EDEM3: variants seen among roughly 807,000 people sequenced by gnomAD.
EDEM3 encodes the protein ER degradation enhancing alpha-mannosidase like protein 3.
Under a neutral mutation model 110.2 loss-of-function variants are expected in EDEM3, and 60 were observed. The observed-to-expected ratio is 0.54, with a 90% CI of 0.44 to 0.67. The LOEUF is 0.67. Among genes scored for constraint, EDEM3 ranks in the 30% least tolerant of loss-of-function variants. The pLI, the probability that EDEM3 is intolerant of heterozygous loss-of-function variation, is 0.00. For missense variants in EDEM3, 996 were observed against 1,121.0 expected (o/e 0.89, Z 1.59); for synonymous variants, 352 against 382.9 (o/e 0.92, Z 0.94).
At chr1:184,706,340 A>G (rs1649925181) in intron 18 of EDEM3, among the ~76,000 whole-genome samples, 1 of 152,010 alleles carries the variant, frequency 6.6e-6, no homozygotes, top group Non-Finnish European at 1.5e-5. Context: ...GGGGTTATGG[A>G]TCTCATGGGC....
chr1:184,706,614 T>A (rs899596544), intron 18 of EDEM3, 29 bp downstream of exon 18: 2 of 1,531,126 alleles, frequency 1.3e-6, no homozygotes, highest in Admixed American at 3.7e-5. Context: ...TCCCCTTCAG[T>A]CAACACAATG....
Position 184,754,767 on chromosome 1 carries a change from ACGGCCGC to A in EDEM3, c.-128_-122del. The A allele has an allele frequency of 1.5e-6, 2 of 1,374,192 alleles. No individual in the cohort carries two copies. Among genetic ancestry groups the A allele is most frequent in the Non-Finnish European group, 1.9e-6 (2 of 1,063,546 alleles). The allele number at this position is 1,374,192 out of a possible 1,614,324, so 85.1% of individuals were successfully genotyped here. On this transcript the variant is annotated 5_prime_UTR_variant, in exon 1 of 20. Coordinates refer to ENST00000318130, the MANE Select transcript of EDEM3 (RefSeq NM_025191.4). ...CGGGGCGGGATGCGGAGTAACACGG[ACGGCCGC>A]CGGCGCCAAACTGTTTCCCGAAGCC...
At chr1:184,723,664 A>T in intron 8 of EDEM3, 87 bp downstream of exon 8, 1 of 1,085,492 alleles carries the variant, frequency 9.2e-7, no homozygotes, top group South Asian at 1.4e-5. Context: ...ATAGTATCCC[A>T]AAGATTATTT....
In EDEM3 at chr1:184,709,195, G is replaced by C. The variant is rs527784224; in HGVS notation, c.1846-851C>G. The stretch of plus-strand genomic sequence containing the variant: ...GGAAACATAGGTTGAGGTGAGGGTA[G>C]AAAGAGAGTAAACAAGAAAGAGATA... On this transcript the variant is annotated intron_variant, in intron 16 of 19. Coordinates refer to ENST00000318130, the MANE Select transcript of EDEM3 (RefSeq NM_025191.4). 1.5e-4 allele frequency among the ~76,000 whole-genome samples: 23 copies of C among 152,222 alleles called. No homozygotes were observed. The South Asian group carries it at 4.8e-3, about 32-fold the overall frequency.
chr1:184,743,672 G>A lies in EDEM3; in HGVS notation c.204+5875C>T, dbSNP rs138791505. On this transcript the variant is annotated intron_variant, in intron 2 of 19. Transcript: ENST00000318130. The stretch of plus-strand genomic sequence containing the variant: ...ACAACAAAGCTGAAAGACTTAAACT[G>A]CCTGAGTTCAGGACCCACTATTAAA... Among the ~76,000 whole-genome samples, 840 of 152,114 alleles carry A rather than the reference G, an allele frequency of 5.5e-3. 7 individuals are homozygous for A. The highest frequency in any genetic ancestry group is 0.016 in the African/African-American group (663 of 41,514).
In EDEM3 at chr1:184,692,949, A is replaced by G. The variant is rs1649129956; in HGVS notation, c.*1114T>C. On this transcript the variant is annotated 3_prime_UTR_variant, in exon 20 of 20. Transcript: ENST00000318130. ...AAAAACAAAAACCATGATTCAACAG[A>G]AAATGTGACAGATTCCTTAGGTGCA... The G allele has an allele frequency of 1.9e-5, 3 of 154,406 alleles. No individual in the cohort carries two copies. The highest frequency in any genetic ancestry group is 7.2e-5 in the African/African-American group (3 of 41,514). 9.6% of individuals were successfully genotyped at this position (154,406 alleles called of 1,614,324 possible).
intron 2 of EDEM3, among the ~76,000 whole-genome samples, chr1:184,742,253 G>A (rs950498071): frequency 2.6e-5 from 4 of 152,052 alleles, no homozygotes; most frequent in Admixed American, 6.6e-5. Flanking sequence ...AGAAAATTGC[G>A]TGCTCTGTAA....
At position 184,723,813 on chromosome 1, in the gene EDEM3, T is replaced by C; in HGVS notation, c.791A>G (p.Gln264Arg). Reference sequence around the variant, plus strand: ...CACGCCCACTAAATTACTACTTCGCTGTCTTTTTTCCCAGAGAAAATCAAG... The same window carrying C: ...CACGCCCACTAAATTACTACTTCGCCGTCTTTTTTCCCAGAGAAAATCAAG... ...KALDFLWEKR[Q>R]RSSNLVGVTI... Residue 264 changes from glutamine to arginine, a missense_variant, in exon 8 of 20, where the codon CAG becomes CGG. Physicochemically the swap from Gln to Arg is conservative, Grantham distance 43. Transcript: ENST00000318130. 1 of 1,595,388 alleles carries C rather than the reference T, an allele frequency of 6.3e-7. No individual in the cohort carries two copies. Among genetic ancestry groups the C allele is most frequent in the Non-Finnish European group, 8.5e-7 (1 of 1,174,200 alleles).
At position 184,719,605 on chromosome 1, in the gene EDEM3, G is replaced by A. The variant is rs1220885700; in HGVS notation, c.952-37C>T. 5.0e-6 allele frequency: 8 copies of A among 1,600,988 alleles called. No individual in the cohort carries two copies. The Admixed American group carries it at 5.3e-5, about 11-fold the overall frequency. The stretch of plus-strand genomic sequence containing the variant: ...CAACATGTGTTCATGAAAGTTAGAT[G>A]AAAAAAGAGGTACTACTCTAAACAC... On this transcript the variant is annotated intron_variant, in intron 9 of 19. Coordinates refer to ENST00000318130, the MANE Select transcript of EDEM3 (RefSeq NM_025191.4).
At chr1:184,750,175 T>C (rs1652678276) in intron 1 of EDEM3, among the ~76,000 whole-genome samples, 1 of 152,238 alleles carries the variant, frequency 6.6e-6, no homozygotes, top group Admixed American at 6.5e-5. Flanking sequence ...ATACTTTTTA[T>C]GATGTGCTCT....
chr1:184,730,804 T>A (rs1651468196), intron 6 of EDEM3, among the ~76,000 whole-genome samples: 1 of 151,942 alleles, frequency 6.6e-6, no homozygotes, highest in African/African-American at 2.4e-5. Flanking sequence ...TTGATTTGAC[T>A]TATATTTGTA....
chr1:184,728,309 G>A (rs1434308252), intron 6 of EDEM3, among the ~76,000 whole-genome samples: 1 of 152,196 alleles, frequency 6.6e-6, no homozygotes, highest in East Asian at 1.9e-4. Context: ...ACTGAATTGG[G>A]AGTAGTTGAG....
chr1:184,732,967 A>G lies in EDEM3; in HGVS notation c.482T>C (p.Leu161Pro). ...ACCTTTTTCTTTCAGCATGATTGCC[A>G]GGGAGTGCCCACCCAAAAGACCCCT... Reference protein sequence around the residue: ...VLGGLLGGHSLAIMLKEKGEY... With the variant: ...VLGGLLGGHSPAIMLKEKGEY... Residue 161 changes from leucine (L) to proline (P), a missense_variant, in exon 6 of 20, where the codon CTG (leucine) becomes CCG (proline). Leu to Pro is a moderately conservative substitution (Grantham distance 98, BLOSUM62 -3). Coordinates refer to ENST00000318130, the MANE Select transcript of EDEM3 (RefSeq NM_025191.4). The G allele has an allele frequency of 6.2e-7, 1 of 1,613,812 alleles. No individual in the cohort carries two copies. The highest frequency in any genetic ancestry group is 8.5e-7 in the Non-Finnish European group (1 of 1,179,816).
intron 2 of EDEM3, among the ~76,000 whole-genome samples, chr1:184,739,132 A>T (rs1039077899): frequency 1.3e-5 from 2 of 151,804 alleles, no homozygotes; most frequent in Non-Finnish European, 2.9e-5. Flanking sequence ...CATTAGTTCT[A>T]AACTTTTTGC....
In EDEM3 at chr1:184,693,421, C is replaced by T. The variant is rs1245242367; in HGVS notation, c.*642G>A. 6.6e-6 allele frequency: 1 copy of T among 152,542 alleles called. No individual in the cohort carries two copies. Among genetic ancestry groups the T allele is most frequent in the East Asian group, 1.9e-4 (1 of 5,184 alleles). 9.4% of individuals were successfully genotyped at this position (152,542 alleles called of 1,614,324 possible). On this transcript the variant is annotated 3_prime_UTR_variant, in exon 20 of 20. Transcript: ENST00000318130. ...ATGCAGAGAACTCACTGAGAAAGTA[C>T]ACTGGCTTCACCTTTGGTTTAAATA...
Position 184,708,207 on chromosome 1 carries a change from T to C in EDEM3, c.1983A>G (p.Val661=), listed in dbSNP as rs747471904. The part of the protein sequence containing the change: ...QIVSHPFFGR[V]VLTAGPAQFG... ...ACTGAGCTGGTCCAGCAGTCAATAC[T>C]ACCCTGCCAAAAAATGGGTGGGAAA... The change falls in exon 17 of 20, where the codon GTA becomes GTG. Residue 661 remains valine, a synonymous_variant. Transcript: ENST00000318130. The C allele has an allele frequency of 6.8e-6, 11 of 1,613,850 alleles. No homozygotes were observed. The highest frequency in any genetic ancestry group is 1.1e-5 in the South Asian group (1 of 91,066).
In EDEM3 at chr1:184,718,406, G is replaced by A. The variant is rs192692028; in HGVS notation, c.1161+756C>T. 1.3e-4 allele frequency among the ~76,000 whole-genome samples: 20 copies of A among 152,094 alleles called. 1 individual carries two copies. The highest frequency in any genetic ancestry group is 9.8e-4 in the Admixed American group (15 of 15,272). On this transcript the variant is annotated intron_variant, in intron 11 of 19. Coordinates refer to ENST00000318130, the MANE Select transcript of EDEM3 (RefSeq NM_025191.4). ...TTGAAACCTCAGTTTATTCTGTATG[G>A]ATATGAATTTTCTACAATGCACAGT...
chr1:184,722,143 G>A (rs138107652), intron 8 of EDEM3, among the ~76,000 whole-genome samples: 88 of 151,992 alleles, frequency 5.8e-4, no homozygotes, highest in South Asian at 1.0e-3. Context: ...ATGCTGGTAC[G>A]TTACCATGAA....
intron 7 of EDEM3, among the ~76,000 whole-genome samples, chr1:184,724,800 A>G (rs2102095596): frequency 6.6e-6 from 1 of 152,342 alleles, no homozygotes; most frequent in Non-Finnish European, 1.5e-5. Context: ...TACAGCTAAG[A>G]AAACAGGCCT....
Sources: gnomAD v4.1 joint callset for allele counts (sites outside exome capture counted in the v4.1 genomes callset) on GRCh38, gnomAD v4.1.1 for gene constraint, MANE v1.5 for transcripts, NCBI Gene and HGNC (gene_info 2026-07-23, HGNC 2026-07-21) for gene names.